The following ZNF385D variants were observed in gnomAD, a reference collection of about 807,000 sequenced individuals.
ZNF385D encodes the protein zinc finger protein 385D.
A neutral mutation model predicts 35.8 loss-of-function variants in ZNF385D; 15 were observed. The observed-to-expected ratio is 0.42, with a 90% CI of 0.28 to 0.64. ZNF385D has a LOEUF of 0.64. Among genes scored for constraint, ZNF385D ranks in the 30% least tolerant of loss-of-function variants. The pLI is 0.23. For synonymous variants in ZNF385D, 212 were observed against 186.8 expected (o/e 1.13, Z -1.10); for missense variants, 474 against 494.6 (o/e 0.96, Z 0.39).
chr3:21,936,613 A>G (rs1172861590), intron 3 of ZNF385D, among the ~76,000 whole-genome samples: 1 of 152,052 alleles, frequency 6.6e-6, no homozygotes, highest in Non-Finnish European at 1.5e-5. Flanking sequence ...TGTTTCCTCT[A>G]CTAGAATGAA....
intron 1 of ZNF385D, among the ~76,000 whole-genome samples, chr3:21,719,182 G>A (rs973585941): frequency 6.6e-6 from 1 of 152,068 alleles, no homozygotes; most frequent in Non-Finnish European, 1.5e-5. Flanking sequence ...AAAACCTGGG[G>A]GCTTCTCAGA....
chr3:22,365,718 T>C (rs1204777755), intron 2 of ZNF385D, among the ~76,000 whole-genome samples: 3 of 152,112 alleles, frequency 2.0e-5, no homozygotes, highest in African/African-American at 2.4e-5. Flanking sequence ...TCATTTAACA[T>C]AGTGTTTGAT....
intron 2 of ZNF385D, among the ~76,000 whole-genome samples, chr3:22,294,916 G>T (rs1180310582): frequency 6.6e-6 from 1 of 151,984 alleles, no homozygotes; most frequent in Non-Finnish European, 1.5e-5. Context: ...TCAAAGGAGT[G>T]GGAAAATTAG....
chr3:22,226,947 G>T (rs1698593910), intron 2 of ZNF385D, among the ~76,000 whole-genome samples: 1 of 152,030 alleles, frequency 6.6e-6, no homozygotes, highest in African/African-American at 2.4e-5. Flanking sequence ...ATTTCTGCCT[G>T]CAAATGCCAA....
intron 3 of ZNF385D, among the ~76,000 whole-genome samples, chr3:21,936,753 A>T (rs1356489115): frequency 1.3e-5 from 2 of 152,128 alleles, no homozygotes; most frequent in Admixed American, 1.3e-4. Flanking sequence ...CTAAAATTTT[A>T]AAAAATCTTA....
intron 3 of ZNF385D, among the ~76,000 whole-genome samples, chr3:22,046,313 T>C (rs1449692691): frequency 1.3e-5 from 2 of 152,176 alleles, no homozygotes; most frequent in African/African-American, 2.4e-5. Context: ...ACCAGTCCTC[T>C]TATTCCTCAC....
At chr3:21,533,447 T>C (rs1249233221) in intron 3 of ZNF385D, among the ~76,000 whole-genome samples, 1 of 152,138 alleles carries the variant, frequency 6.6e-6, no homozygotes, top group Non-Finnish European at 1.5e-5. Flanking sequence ...ATTTGAACTC[T>C]AGCAATGTTC....
chr3:22,305,045 A>C (rs1174467559), intron 2 of ZNF385D, among the ~76,000 whole-genome samples: 1 of 152,046 alleles, frequency 6.6e-6, no homozygotes, highest in Non-Finnish European at 1.5e-5. Context: ...TTTAATCTCC[A>C]AATATTTTTC....
chr3:21,456,020 T>C (rs1702786054), intron 4 of ZNF385D, among the ~76,000 whole-genome samples: 1 of 152,102 alleles, frequency 6.6e-6, no homozygotes, highest in Admixed American at 6.5e-5. Context: ...GAAATGCAAA[T>C]CAAAACCACA....
At position 22,183,736 on chromosome 3, in the gene ZNF385D, A is replaced by G. The variant is rs181054964; in HGVS notation, c.107-14701T>C. Reference sequence around the variant, plus strand: ...AATGGGTTTAGTAGATTATTAAACTATAATTGCCCTTTTGAATGTTTCTTT... The same window carrying G: ...AATGGGTTTAGTAGATTATTAAACTGTAATTGCCCTTTTGAATGTTTCTTT... On this transcript the variant is annotated intron_variant, in intron 2 of 5. Transcript: ENST00000494108. Among the ~76,000 whole-genome samples, 792 of 152,182 alleles carry G rather than the reference A, an allele frequency of 5.2e-3. 8 individuals are homozygous for G. The highest frequency in any genetic ancestry group is 0.018 in the African/African-American group (743 of 41,524).
chr3:21,732,067 T>A (rs1489483700), intron 1 of ZNF385D, among the ~76,000 whole-genome samples: 7 of 110,794 alleles, frequency 6.3e-5, no homozygotes, highest in African/African-American at 2.5e-4. Context: ...TTTTTTTTTT[T>A]TTGAGAACGG....
chr3:21,628,097 G>A (rs2065183731), intron 2 of ZNF385D, among the ~76,000 whole-genome samples: 1 of 151,992 alleles, frequency 6.6e-6, no homozygotes, highest in Non-Finnish European at 1.5e-5. Flanking sequence ...TAACTCTACG[G>A]ACAAAGGCCT....
At chr3:22,372,472 C>T (rs2125238041) in exon 2 of ZNF385D, 1 of 985,960 alleles carries the variant, frequency 1.0e-6, no homozygotes, top group Non-Finnish European at 1.2e-6. Flanking sequence ...GAGCTTTCGG[C>T]GCCCCCAGGA....
chr3:21,415,727 TCTGAA>T lies in ZNF385D; in HGVS notation c.*5482_*5486del, dbSNP rs1700554213. The T allele has an allele frequency of 6.6e-6, 1 of 152,124 alleles. No individual in the cohort carries two copies. The highest frequency in any genetic ancestry group is 2.1e-4 in the South Asian group (1 of 4,834). The allele number at this position is 152,124 out of a possible 1,614,324, so 9.4% of individuals were successfully genotyped here. On this transcript the variant is annotated 3_prime_UTR_variant, in exon 8 of 8. Transcript: ENST00000281523. ...ATTGCCTTTAGAGATGACCTGCCAGTCTGAAAATAACATGACCCCATTATCGGCTG... is the reference window on the plus strand; with the variant it reads ...ATTGCCTTTAGAGATGACCTGCCAGTAATAACATGACCCCATTATCGGCTG...
chr3:22,039,016 T>C (rs1276402726), intron 3 of ZNF385D, among the ~76,000 whole-genome samples: 3 of 151,584 alleles, frequency 2.0e-5, no homozygotes, highest in South Asian at 2.1e-4. Flanking sequence ...CAATACCTTG[T>C]AATTTATGTA....
chr3:22,036,951 G>C (rs1489749704), intron 3 of ZNF385D, among the ~76,000 whole-genome samples: 1 of 147,454 alleles, frequency 6.8e-6, no homozygotes, highest in Non-Finnish European at 1.5e-5. Context: ...CTATGAGTGA[G>C]AACATGTGGT....
At chr3:22,088,644 G>A (rs1701166865) in intron 3 of ZNF385D, among the ~76,000 whole-genome samples, 3 of 152,188 alleles carry the variant, frequency 2.0e-5, no homozygotes, top group Admixed American at 1.3e-4. Context: ...CAGAACCTTG[G>A]ATGGAGCTGT....
intron 3 of ZNF385D, among the ~76,000 whole-genome samples, chr3:21,799,366 A>G (rs2072296621): frequency 6.6e-6 from 1 of 152,154 alleles, no homozygotes; most frequent in South Asian, 2.1e-4. Flanking sequence ...TGACTGCACC[A>G]TTTTATATTC....
intron 1 of ZNF385D, among the ~76,000 whole-genome samples, chr3:21,726,992 G>C (rs369783744): frequency 1.3e-5 from 2 of 152,112 alleles, no homozygotes; most frequent in South Asian, 2.1e-4. Context: ...CAATGGAACA[G>C]AACAGAGCCC....
Sources: allele counts gnomAD v4.1 joint callset (sites outside exome capture counted in the v4.1 genomes callset), GRCh38; gene constraint gnomAD v4.1.1; transcripts MANE v1.5; gene names NCBI Gene and HGNC (gene_info 2026-07-23, HGNC 2026-07-21).